Variants in DPH1 observed in about 807,000 individuals in gnomAD.
DPH1 encodes the protein diphthamide biosynthesis 1.
In DPH1, 59 loss-of-function variants were observed where a neutral mutation model predicts 55.3. That is an observed-to-expected ratio of 1.07 (90% confidence interval 0.87 to 1.33). The LOEUF (loss-of-function observed/expected upper bound fraction) is 1.33, where lower values mean the gene tolerates loss of function less well. Ranked by LOEUF, DPH1 falls within the 40% of genes most tolerant of loss-of-function variation. The pLI is 0.00. For synonymous variants in DPH1, 238 were observed against 235.5 expected, an observed-to-expected ratio of 1.01 and a Z score of -0.10; for missense variants, 628 against 584.8, an observed-to-expected ratio of 1.07 and a Z score of -0.76.
Position 2,036,082 on chromosome 17 carries a change from A to G in DPH1, c.391A>G (p.Ser131Gly). 6.2e-7 allele frequency: 1 copy of G among 1,613,870 alleles called. No homozygotes were observed. Among genetic ancestry groups the G allele is most frequent in the Non-Finnish European group, 8.5e-7 (1 of 1,179,894 alleles). The part of the protein sequence containing the change: ...GADFLVHYGH[S>G]CLIPMDTSAQ... Reference sequence around the variant, plus strand: ...TGACTTCTTGGTGCACTACGGCCACAGTTGCCTGAGTATGGTGGGGCCAGG... The same window carrying G: ...TGACTTCTTGGTGCACTACGGCCACGGTTGCCTGAGTATGGTGGGGCCAGG... Residue 131 changes from serine to glycine, a missense_variant, in exon 4 of 13, where the codon AGT becomes GGT. By Grantham distance (56) the Ser-to-Gly change is moderately conservative. Coordinates refer to ENST00000263083, the MANE Select transcript of DPH1 (RefSeq NM_001383.6). The surrounding 1 kb of genome is among the most constrained non-coding windows in gnomAD (Gnocchi z 4.8).
chr17:2,034,406 G>T (rs2067374515), intron 3 of DPH1, among the ~76,000 whole-genome samples: 1 of 151,672 alleles, frequency 6.6e-6, no homozygotes, highest in Non-Finnish European at 1.5e-5. Flanking sequence ...AGGAACAGGG[G>T]AGGGGAACGA....
rs974776425 is a variant in DPH1, at chr17:2,042,427, C to T, written c.*19-178C>T. ...CCCAGGCTTCCGCCTTCACCGTCTT[C>T]CTCCGCTGTCTCCTGTTCAGGCCAA... On this transcript the variant is annotated intron_variant, in intron 12 of 12. Coordinates refer to ENST00000263083, the MANE Select transcript of DPH1 (RefSeq NM_001383.6). The T allele has an allele frequency of 7.6e-5, 95 of 1,252,674 alleles. 1 individual carries two copies. The South Asian group carries it at 1.4e-3, about 18-fold the overall frequency. The allele number at this position is 1,252,674 out of a possible 1,614,324, so 77.6% of individuals were successfully genotyped here.
At chr17:2,033,954 C>T in intron 3 of DPH1, 112 bp downstream of exon 3, 1 of 1,202,042 alleles carries the variant, frequency 8.3e-7, no homozygotes, top group Non-Finnish European at 1.2e-6. Flanking sequence ...TCTGAACCTC[C>T]ACCTTCCCCC....
chr17:2,036,322 G>A lies in DPH1; in HGVS notation c.401-207G>A. 1 of 1,059,968 alleles carries A rather than the reference G, an allele frequency of 9.4e-7. No homozygotes were observed. Among genetic ancestry groups the A allele is most frequent in the South Asian group, 1.7e-5 (1 of 60,260 alleles). 65.7% of individuals were successfully genotyped at this position (1,059,968 alleles called of 1,614,324 possible). ...GCAGGTGTTTGAAAGGCTGTTGGTT[G>A]TAGAGCAGGCTGGGCCCCGGCCGGG... On this transcript the variant is annotated intron_variant, in intron 4 of 12. Coordinates refer to ENST00000263083, the MANE Select transcript of DPH1 (RefSeq NM_001383.6). The surrounding 1 kb of genome is among the most constrained non-coding windows in gnomAD (Gnocchi z 4.8).
chr17:2,036,793 C>T lies in DPH1; in HGVS notation c.559-42C>T. ...AGGCTGTTTCTCAGCCCTGGCTCTCCTGCCCCAGCCGCTGGCTTCACTTCC... is the reference window on the plus strand; with the variant it reads ...AGGCTGTTTCTCAGCCCTGGCTCTCTTGCCCCAGCCGCTGGCTTCACTTCC... On this transcript the variant is annotated intron_variant, in intron 5 of 12. Coordinates refer to ENST00000263083, the MANE Select transcript of DPH1 (RefSeq NM_001383.6). This position sits in a 1 kb window ranked among gnomAD's most constrained non-coding sequence, Gnocchi z 4.8. 1 of 1,609,498 alleles carries T rather than the reference C, an allele frequency of 6.2e-7. No homozygotes were observed. The highest frequency in any genetic ancestry group is 8.5e-7 in the Non-Finnish European group (1 of 1,177,730).
intron 12 of DPH1, chr17:2,042,290 T>G (rs996676275): frequency 2.1e-6 from 3 of 1,396,280 alleles, no homozygotes; most frequent in Non-Finnish European, 2.8e-6. Flanking sequence ...TTCGTCCCCC[T>G]CGACACCCTT....
intron 12 of DPH1, 186 bp downstream of exon 12, chr17:2,042,061 G>T: frequency 6.5e-7 from 1 of 1,540,240 alleles, no homozygotes; most frequent in African/African-American, 1.4e-5. Flanking sequence ...GCCGCGCAGC[G>T]ACCCCTGCGG....
chr17:2,037,235 T>C (rs1236715892), intron 6 of DPH1: 4 of 321,130 alleles, frequency 1.2e-5, no homozygotes, highest in Non-Finnish European at 1.7e-5. Flanking sequence ...GGGAATATAA[T>C]TGGAGAAGAT....
At chr17:2,042,488 T>G in intron 12 of DPH1, 117 bp from the exon 13 acceptor site, 1 of 1,399,360 alleles carries the variant, frequency 7.1e-7, no homozygotes, top group Non-Finnish European at 9.4e-7. Flanking sequence ...CCCCCAGACT[T>G]TTGCCTCGAT....
At position 2,040,239 on chromosome 17, in the gene DPH1, C is replaced by G; in HGVS notation, c.771C>G (p.Val257=). The stretch of plus-strand genomic sequence containing the variant: ...CCAGGTATGACCCATATAGCAAAGT[C>G]CTATCCAGAGAACACTATGACCACC... ...PAYRYDPYSK[V]LSREHYDHQR... Residue 257 remains valine (V), a synonymous_variant, in exon 8 of 13, where the codon GTC becomes GTG. Transcript: ENST00000263083. 1 of 1,614,082 alleles carries G rather than the reference C, an allele frequency of 6.2e-7. No individual in the cohort carries two copies. The highest frequency in any genetic ancestry group is 8.5e-7 in the Non-Finnish European group (1 of 1,180,028).
In DPH1 at chr17:2,042,940, G is replaced by T. The variant is rs1464653625; in HGVS notation, c.*354G>T. On this transcript the variant is annotated 3_prime_UTR_variant, in exon 13 of 13. Transcript: ENST00000263083. ...GCCCTTGTCATTGCCTTCGCTCCAT[G>T]TTTTTGGGGACACTGACAAAGTCAT... 1 of 1,614,180 alleles carries T rather than the reference G, an allele frequency of 6.2e-7. No homozygotes were observed. The highest frequency in any genetic ancestry group is 1.3e-5 in the African/African-American group (1 of 75,062).
In DPH1 at chr17:2,039,804, C is replaced by T; in HGVS notation, c.730C>T (p.Pro244Ser). 1.2e-6 allele frequency: 2 copies of T among 1,614,156 alleles called. No homozygotes were observed. Among genetic ancestry groups the T allele is most frequent in the South Asian group, 2.2e-5 (2 of 91,086 alleles). Reference sequence around the variant, plus strand: ...TCTGGAGTCTGTCATGATTGCCAACCCCAATGTCCCCGCTTACCGGTATGG... The same window carrying T: ...TCTGGAGTCTGTCATGATTGCCAACTCCAATGTCCCCGCTTACCGGTATGG... ...FHLESVMIAN[P>S]NVPAYRYDPY... Residue 244 changes from proline (P) to serine (S), a missense_variant, in exon 7 of 13, where the codon CCC becomes TCC. Transcript: ENST00000263083.
At chr17:2,042,298 C>A (rs745883059) in intron 12 of DPH1, 2 of 1,396,130 alleles carry the variant, frequency 1.4e-6, no homozygotes, top group East Asian at 2.9e-5. Context: ...CCTCGACACC[C>A]TTCAGCATCC....
Position 2,042,843 on chromosome 17 carries a change from G to C in DPH1, c.*257G>C, listed in dbSNP as rs772289617. On this transcript the variant is annotated 3_prime_UTR_variant, in exon 13 of 13. Coordinates refer to ENST00000263083, the MANE Select transcript of DPH1 (RefSeq NM_001383.6). ...AGGCAGGCGATCCCCGCTTCCCCTT[G>C]CCACGGTTTATCCTCTTGGTGTCTG... 2.5e-6 allele frequency: 4 copies of C among 1,614,032 alleles called. No individual in the cohort carries two copies. The highest frequency in any genetic ancestry group is 1.3e-5 in the African/African-American group (1 of 74,938).
Position 2,041,889 on chromosome 17 carries a change from C to T in DPH1, c.*18+14C>T, listed in dbSNP as rs762137076. ...CCCGGGCCTCAGGTATCAGCCCCCG[C>T]TCTGGGTGCGCCCCGCCTTTTGCCG... On this transcript the variant is annotated intron_variant, in intron 12 of 12. Transcript: ENST00000263083. The T allele has an allele frequency of 2.4e-5, 37 of 1,558,754 alleles. No individual in the cohort carries two copies. Among genetic ancestry groups the T allele is most frequent in the Admixed American group, 3.8e-5 (2 of 52,940 alleles).
In DPH1 at chr17:2,036,397, C is replaced by T; in HGVS notation, c.401-132C>T. ...GAGCTTCTAGGGGATCTGTGACCCC[C>T]CTCTTCTCCTACCCTGTCCTTTTAC... is the stretch of plus-strand genomic sequence containing the variant. On this transcript the variant is annotated intron_variant, in intron 4 of 12. Transcript: ENST00000263083. The surrounding 1 kb of genome is among the most constrained non-coding windows in gnomAD (Gnocchi z 4.8). 1.6e-6 allele frequency: 2 copies of T among 1,236,006 alleles called. No homozygotes were observed. 76.6% of individuals were successfully genotyped at this position (1,236,006 alleles called of 1,614,324 possible). A position where few individuals can be genotyped will look rare whatever the true frequency, so the allele number is the denominator to read the frequency against.
At chr17:2,042,286 C>T (rs2067551612) in intron 12 of DPH1, 2 of 1,397,240 alleles carry the variant, frequency 1.4e-6, no homozygotes, top group African/African-American at 1.5e-5. Context: ...TTGTTTCGTC[C>T]CCCTCGACAC....
At position 2,039,787 on chromosome 17, in the gene DPH1, C is replaced by CT. The variant is rs1315426939; in HGVS notation, c.714dup (p.Val239CysfsTer14). 1 of 1,614,064 alleles carries CT rather than the reference C, an allele frequency of 6.2e-7. No homozygotes were observed. Among genetic ancestry groups the CT allele is most frequent in the African/African-American group, 1.3e-5 (1 of 74,944 alleles). On this transcript the variant is annotated frameshift_variant, in exon 7 of 13. Coordinates refer to ENST00000263083, the MANE Select transcript of DPH1 (RefSeq NM_001383.6). LOFTEE classifies it high-confidence loss of function. ...GGAGATGGCCGCTTCCATCTGGAGT[C>CT]TGTCATGATTGCCAACCCCAATGTC... is the stretch of plus-strand genomic sequence containing the variant.
rs560135091 is a variant in DPH1 at position 2,032,761 on chromosome 17, T to G, written c.62-744T>G. Among the ~76,000 whole-genome samples, 3 of 152,354 alleles carry G rather than the reference T, an allele frequency of 2.0e-5. No individual in the cohort carries two copies. The East Asian group carries it at 5.8e-4, about 29-fold the overall frequency. On this transcript the variant is annotated intron_variant, in intron 1 of 12. Coordinates refer to ENST00000263083, the MANE Select transcript of DPH1 (RefSeq NM_001383.6). ...TTTATTTTATTTATTTATTTATTTT[T>G]GAGATGGTGTCTCGCTCTGTTGCCC...
Sources: gnomAD v4.1 joint callset for allele counts (sites outside exome capture counted in the v4.1 genomes callset) on GRCh38, gnomAD v4.1.1 for gene constraint, Gnocchi (gnomAD v3.1) non-coding constraint, MANE v1.5 for transcripts, NCBI Gene and HGNC (gene_info 2026-07-23, HGNC 2026-07-21) for gene names.